Variants in PLCB4 observed in about 807,000 individuals in gnomAD.
PLCB4 encodes the protein 1-phosphatidylinositol 4,5-bisphosphate phosphodiesterase beta-4.
A neutral mutation model predicts 178.8 loss-of-function variants in PLCB4; 77 were observed. The observed-to-expected ratio is 0.43, with a 90% CI of 0.36 to 0.52. The LOEUF (loss-of-function observed/expected upper bound fraction) is 0.52, where lower values mean the gene tolerates loss of function less well. PLCB4 is among the 20% of genes least tolerant of loss of function. The pLI, the probability that PLCB4 is intolerant of heterozygous loss-of-function variation, is 0.00. For missense variants in PLCB4, 1,024 were observed against 1,453.4 expected (o/e 0.70, Z 4.80); for synonymous variants, 496 against 490.8 (o/e 1.01, Z -0.14).
intron 2 of PLCB4, among the ~76,000 whole-genome samples, chr20:9,159,843 T>A (rs1274371298): frequency 6.6e-6 from 1 of 152,228 alleles, no homozygotes; most frequent in Non-Finnish European, 1.5e-5. Context: ...ATATTATGGT[T>A]CCAAAGTCAT....
intron 9 of PLCB4, among the ~76,000 whole-genome samples, chr20:9,366,386 GAC>G (rs2035782881): frequency 8.5e-6 from 1 of 117,764 alleles, no homozygotes; most frequent in Non-Finnish European, 1.6e-5. Context: ...GACAGAGTGA[GAC>G]TCCATCTCAA....
At chr20:9,266,794 A>G (rs546163431) in intron 3 of PLCB4, among the ~76,000 whole-genome samples, 18 of 152,282 alleles carry the variant, frequency 1.2e-4, no homozygotes, top group Non-Finnish European at 2.4e-4. Context: ...ATTCATTGCT[A>G]CATTTCTATA....
chr20:9,468,617 A>G lies in PLCB4; in HGVS notation c.3295A>G (p.Asn1099Asp). 1 of 1,612,706 alleles carries G rather than the reference A, an allele frequency of 6.2e-7. No individual in the cohort carries two copies. Among genetic ancestry groups the G allele is most frequent in the Non-Finnish European group, 8.5e-7 (1 of 1,178,852 alleles). The change falls in exon 36 of 40, where the codon AAT (asparagine) becomes GAT (aspartate). Residue 1099 changes from asparagine to aspartate, a missense_variant. Coordinates refer to ENST00000378473, the MANE Select transcript of PLCB4 (RefSeq NM_001377142.1). ...ACACCAGGCTAAGATTTCTATGGAAAATAGCAAAGCCATCAGCCAAGATAA... is the reference window on the plus strand; with the variant it reads ...ACACCAGGCTAAGATTTCTATGGAAGATAGCAAAGCCATCAGCCAAGATAA... ...RAHQAKISME[N>D]SKAISQDKSI... is the part of the protein sequence containing the mutation.
chr20:9,436,153 C>A (rs2041753949), intron 29 of PLCB4, among the ~76,000 whole-genome samples: 1 of 152,042 alleles, frequency 6.6e-6, no homozygotes, highest in Non-Finnish European at 1.5e-5. Flanking sequence ...AATGAATTTT[C>A]TGTTTAGACT....
At chr20:9,130,361 T>C (rs1192206638) in intron 2 of PLCB4, among the ~76,000 whole-genome samples, 1 of 152,200 alleles carries the variant, frequency 6.6e-6, no homozygotes, top group African/African-American at 2.4e-5. Flanking sequence ...AATAAATCTT[T>C]TAATTGTGTA....
chr20:9,322,105 C>T lies in PLCB4; in HGVS notation c.84+14207C>T, dbSNP rs544242597. Among the ~76,000 whole-genome samples the T allele has an allele frequency of 6.0e-5, 9 of 150,994 alleles. No individual in the cohort carries two copies. In the South Asian group the frequency reaches 1.9e-3, roughly 32 times the overall value. On this transcript the variant is annotated intron_variant, in intron 4 of 39. Transcript: ENST00000378473. ...TAGCTGAGATTACAGGCAGAGCCAC[C>T]ACACCCAGGTAATTTTTTTTTTTTT...
At chr20:9,395,744 G>A in intron 19 of PLCB4, 126 bp downstream of exon 19, 1 of 616,136 alleles carries the variant, frequency 1.6e-6, no homozygotes, top group Non-Finnish European at 2.8e-6. Context: ...TGGGAGGATT[G>A]CTTGAGCCCA....
chr20:9,455,206 T>C (rs1428185620), intron 33 of PLCB4, among the ~76,000 whole-genome samples: 1 of 152,208 alleles, frequency 6.6e-6, no homozygotes, highest in Non-Finnish European at 1.5e-5. Flanking sequence ...TTTATAGTAC[T>C]CTCCAAGAAT....
chr20:9,156,058 G>A (rs2092782568), intron 2 of PLCB4, among the ~76,000 whole-genome samples: 1 of 152,188 alleles, frequency 6.6e-6, no homozygotes, highest in South Asian at 2.1e-4. Context: ...ACTGTGCAAT[G>A]TATGCATAAG....
chr20:9,422,005 T>C (rs2040678075), intron 27 of PLCB4, among the ~76,000 whole-genome samples: 1 of 152,222 alleles, frequency 6.6e-6, no homozygotes, highest in African/African-American at 2.4e-5. Context: ...ATCACAGCCA[T>C]TCTCTCTAAC....
chr20:9,355,073 G>C (rs6086853), intron 7 of PLCB4, among the ~76,000 whole-genome samples: 7,590 of 152,192 alleles, frequency 0.05, 264 homozygotes, highest in Non-Finnish European at 0.076. Context: ...ATTCCCCCAG[G>C]TGATTCTAAT....
At chr20:9,463,494 C>T (rs1164235235) in intron 35 of PLCB4, among the ~76,000 whole-genome samples, 1 of 150,394 alleles carries the variant, frequency 6.6e-6, no homozygotes, top group Non-Finnish European at 1.5e-5. Flanking sequence ...GAGTCAAGAC[C>T]CATCAGTGTG....
chr20:9,153,355 G>A (rs2092723498), intron 2 of PLCB4, among the ~76,000 whole-genome samples: 1 of 152,130 alleles, frequency 6.6e-6, no homozygotes. Context: ...CATGTCTTGT[G>A]GGAGTGTCCC....
At chr20:9,425,720 A>G (rs1363451732) in intron 28 of PLCB4, among the ~76,000 whole-genome samples, 1 of 152,200 alleles carries the variant, frequency 6.6e-6, no homozygotes, top group East Asian at 1.9e-4. Context: ...TGTACCATTG[A>G]TGAGATTCTG....
At chr20:9,304,246 T>G (rs2094738996) in intron 3 of PLCB4, among the ~76,000 whole-genome samples, 4 of 150,992 alleles carry the variant, frequency 2.6e-5, no homozygotes, top group African/African-American at 7.3e-5. Flanking sequence ...TGTGGGGGGG[T>G]GTGAATGTTT....
intron 10 of PLCB4, 110 bp from the exon 11 acceptor site, chr20:9,372,193 T>A (rs572233282): frequency 4.6e-5 from 29 of 637,168 alleles, no homozygotes; most frequent in Non-Finnish European, 7.0e-5. Flanking sequence ...GAATCAGAGA[T>A]GAAGACCCTG....
intron 29 of PLCB4, 74 bp downstream of exon 29, chr20:9,435,722 G>A: frequency 1.2e-6 from 1 of 864,228 alleles, no homozygotes; most frequent in Non-Finnish European, 1.9e-6. Flanking sequence ...ACAAAAACAA[G>A]ACAAAGTAAT....
chr20:9,423,657 A>G, intron 27 of PLCB4, 91 bp from the exon 28 acceptor site: 3 of 946,288 alleles, frequency 3.2e-6, no homozygotes, highest in South Asian at 2.9e-5. Flanking sequence ...GGAACATTTA[A>G]GAACAGCATG....
At position 9,444,196 on chromosome 20, in the gene PLCB4, A is replaced by C; in HGVS notation, c.2833A>C (p.Lys945Gln). Residue 945 changes from lysine to glutamine, a missense_variant, in exon 32 of 40, where the codon AAG becomes CAG. Transcript: ENST00000378473. ...CCCAAAGGCTTACTTGAAGCATTTA[A>C]AGAAACAGCAGAAGGAGCTAAATTC... ...KQMKAYLKHL[K>Q]KQQKELNSLK... is the part of the protein sequence containing the mutation. The C allele has an allele frequency of 6.2e-7, 1 of 1,604,716 alleles. No homozygotes were observed. The highest frequency in any genetic ancestry group is 1.1e-5 in the South Asian group (1 of 90,410).
Sources: allele counts gnomAD v4.1 joint callset (sites outside exome capture counted in the v4.1 genomes callset), GRCh38; gene constraint gnomAD v4.1.1; transcripts MANE v1.5; gene names NCBI Gene and HGNC (gene_info 2026-07-23, HGNC 2026-07-21).